Variants in DDC observed in about 807,000 individuals in gnomAD.
DDC encodes the protein dopa decarboxylase.
DDC carries 43 observed loss-of-function variants against 60.0 expected under a neutral mutation model. The observed-to-expected ratio is 0.72, with a 90% CI of 0.56 to 0.92. The LOEUF (loss-of-function observed/expected upper bound fraction) is 0.92. DDC is among the 40% of genes least tolerant of loss of function. The pLI, the probability that DDC is intolerant of heterozygous loss-of-function variation, is 0.00. For missense variants in DDC, 573 were observed against 620.2 expected (o/e 0.92, Z 0.81); for synonymous variants, 232 against 234.6 (o/e 0.99, Z 0.10).
chr7:50,510,980 CAAAAAAA>C (rs11309882), intron 6 of DDC, among the ~76,000 whole-genome samples: 1 of 60,920 alleles, frequency 1.6e-5, no homozygotes, highest in Non-Finnish European at 2.8e-5. Context: ...GACTCTGTCT[CAAAAAAA>C]AAAAAAAAAA....
In DDC at chr7:50,510,857, T is replaced by C. The variant is rs574572917; in HGVS notation, c.715-6798A>G. ...TTAGCTGGGCGCGGTGGTGGGCGCC[T>C]GTAGTCCCAGCTACTCAGGAGGCTG... On this transcript the variant is annotated intron_variant, in intron 6 of 14. Coordinates refer to ENST00000444124, the MANE Select transcript of DDC (RefSeq NM_001082971.2). Among the ~76,000 whole-genome samples the C allele has an allele frequency of 1.8e-4, 27 of 150,794 alleles. No individual in the cohort carries two copies. In the East Asian group the frequency reaches 5.1e-3, roughly 28 times the overall value.
Position 50,476,616 on chromosome 7 carries a change from C to G in DDC, c.1041+8G>C. The G allele has an allele frequency of 6.2e-7, 1 of 1,610,804 alleles. No homozygotes were observed. Among genetic ancestry groups the G allele is most frequent in the Non-Finnish European group, 8.5e-7 (1 of 1,177,406 alleles). ...GCATTTGAGATTACAGTGGAATCTC[C>G]CACTTACCCGGTAGTCAGTGATAAG... On this transcript the variant is annotated splice_region_variant and intron_variant, in intron 11 of 14. Transcript: ENST00000444124.
chr7:50,474,431 G>A (rs892890763), intron 11 of DDC, among the ~76,000 whole-genome samples: 2 of 152,214 alleles, frequency 1.3e-5, no homozygotes, highest in African/African-American at 2.4e-5. Flanking sequence ...TGGGAAGAAG[G>A]AGTGAGCCCT....
chr7:50,497,780 T>C (rs1413060410), intron 8 of DDC, among the ~76,000 whole-genome samples: 2 of 152,190 alleles, frequency 1.3e-5, no homozygotes, highest in Admixed American at 6.5e-5. Flanking sequence ...TAGGTTGTAT[T>C]AAGTACTCAA....
intron 6 of DDC, among the ~76,000 whole-genome samples, chr7:50,521,917 G>A (rs1170965099): frequency 6.6e-6 from 1 of 152,090 alleles, no homozygotes; most frequent in Non-Finnish European, 1.5e-5. Context: ...ACATTGTACT[G>A]AGAGTTTCAG....
At position 50,560,187 on chromosome 7, in the gene DDC, C is replaced by A. The variant is rs544045017; in HGVS notation, c.-29+5098G>T. On this transcript the variant is annotated intron_variant, in intron 1 of 14. Coordinates refer to ENST00000444124, the MANE Select transcript of DDC (RefSeq NM_001082971.2). ...CACCCTTGACAAACCAACAGAGGAC[C>A]AGCTTTTGTGCAGTGATTGTCACCT... 5.9e-5 allele frequency among the ~76,000 whole-genome samples: 9 copies of A among 152,278 alleles called. No homozygotes were observed. The South Asian group carries it at 1.7e-3, about 28-fold the overall frequency.
chr7:50,486,260 G>A (rs1328664927), intron 9 of DDC, among the ~76,000 whole-genome samples: 2 of 152,182 alleles, frequency 1.3e-5, no homozygotes, highest in Admixed American at 6.5e-5. Context: ...TTTGTAAAAC[G>A]TATGTTGCTT....
chr7:50,511,387 T>C (rs762886337), intron 6 of DDC, among the ~76,000 whole-genome samples: 38 of 152,062 alleles, frequency 2.5e-4, no homozygotes, highest in Non-Finnish European at 1.3e-4. Flanking sequence ...AAAATCTGAC[T>C]AGGCATGGTG....
In DDC at chr7:50,472,229, C is replaced by A. The variant is rs1417879810; in HGVS notation, c.1042-2058G>T. On this transcript the variant is annotated intron_variant, in intron 11 of 14. Coordinates refer to ENST00000444124, the MANE Select transcript of DDC (RefSeq NM_001082971.2). ...GTCTCATTTGCCTTTTTAGTCCCAG[C>A]CCCAAGCCCAGCACCTGGCTTGGCA... Among the ~76,000 whole-genome samples, 3 of 152,168 alleles carry A rather than the reference C, an allele frequency of 2.0e-5. No individual in the cohort carries two copies. The East Asian group carries it at 5.8e-4, about 29-fold the overall frequency.
chr7:50,556,267 A>C (rs546678703), intron 1 of DDC, among the ~76,000 whole-genome samples: 1 of 152,322 alleles, frequency 6.6e-6, no homozygotes, highest in Non-Finnish European at 1.5e-5. Context: ...CTGGAAGTCC[A>C]AGATTAAGGC....
intron 6 of DDC, among the ~76,000 whole-genome samples, chr7:50,516,170 A>C (rs978910311): frequency 6.6e-5 from 10 of 152,180 alleles, no homozygotes; most frequent in African/African-American, 2.4e-4. Flanking sequence ...TAGACCATAT[A>C]ATAGGCCATA....
At chr7:50,498,566 C>T (rs2043175112) in intron 8 of DDC, among the ~76,000 whole-genome samples, 2 of 152,196 alleles carry the variant, frequency 1.3e-5, no homozygotes, top group South Asian at 4.1e-4. Flanking sequence ...AAGTCTGTAC[C>T]AATTTACATT....
chr7:50,551,599 T>G (rs981366013), intron 1 of DDC, among the ~76,000 whole-genome samples: 2 of 152,190 alleles, frequency 1.3e-5, no homozygotes, highest in Admixed American at 6.5e-5. Flanking sequence ...TGGATTACTT[T>G]TTTACTGAAT....
At chr7:50,461,988 A>T (rs2042284208) in intron 14 of DDC, among the ~76,000 whole-genome samples, 1 of 152,226 alleles carries the variant, frequency 6.6e-6, no homozygotes, top group Non-Finnish European at 1.5e-5. Flanking sequence ...TATACCAAAC[A>T]TGATTTTCAA....
At chr7:50,543,636 A>C (rs2044707191) in intron 2 of DDC, among the ~76,000 whole-genome samples, 1 of 152,184 alleles carries the variant, frequency 6.6e-6, no homozygotes, top group Non-Finnish European at 1.5e-5. Flanking sequence ...CCTGGGGGAA[A>C]GAGCCTCACT....
At chr7:50,538,030 T>C (rs540538399) in intron 3 of DDC, 51 bp from the exon 4 acceptor site, 31 of 1,613,170 alleles carry the variant, frequency 1.9e-5, no homozygotes, top group Non-Finnish European at 1.9e-5. Flanking sequence ...ATTGCAGAAT[T>C]TGGGGGTCAG....
chr7:50,514,985 C>A (rs1189515305), intron 6 of DDC, among the ~76,000 whole-genome samples: 1 of 152,158 alleles, frequency 6.6e-6, no homozygotes, highest in Non-Finnish European at 1.5e-5. Context: ...GGTTGGAAAA[C>A]ATATTTGGGG....
At chr7:50,502,667 C>T (rs1159673400) in intron 7 of DDC, among the ~76,000 whole-genome samples, 6 of 152,232 alleles carry the variant, frequency 3.9e-5, no homozygotes, top group African/African-American at 1.4e-4. Context: ...AGAGCATAAA[C>T]GGTGGAGCAT....
intron 11 of DDC, among the ~76,000 whole-genome samples, chr7:50,473,234 A>T (rs2042571328): frequency 6.6e-6 from 1 of 152,268 alleles, no homozygotes; most frequent in East Asian, 1.9e-4. Context: ...CACCCAAGGG[A>T]TAGAAAGAGC....
Sources: allele counts gnomAD v4.1 joint callset (sites outside exome capture counted in the v4.1 genomes callset), GRCh38; gene constraint gnomAD v4.1.1; transcripts MANE v1.5; gene names NCBI Gene and HGNC (gene_info 2026-07-23, HGNC 2026-07-21).